IMMP2L: variants seen among roughly 807,000 people sequenced by gnomAD.
IMMP2L encodes inner mitochondrial membrane peptidase subunit 2, also known as mitochondrial inner membrane protease subunit 2.
In IMMP2L, 18 loss-of-function variants were observed where a neutral mutation model predicts 19.3. The observed-to-expected ratio is 0.93, with a 90% CI of 0.64 to 1.38. IMMP2L has a LOEUF of 1.38. Among genes scored for constraint, IMMP2L ranks in the 40% most tolerant of loss-of-function variants. The pLI, the probability that IMMP2L is intolerant of heterozygous loss-of-function variation, is 0.00. For missense variants in IMMP2L, 233 were observed against 218.2 expected (o/e 1.07, Z -0.43); for synonymous variants, 76 against 73.0 (o/e 1.04, Z -0.21).
intron 4 of IMMP2L, among the ~76,000 whole-genome samples, chr7:110,912,723 A>T (rs174074): frequency 0.47 from 71,865 of 151,718 alleles, 17,620 homozygotes; most frequent in East Asian, 0.8. Flanking sequence ...ACAAAGTTTG[A>T]CTAAATGCCA....
chr7:111,447,355 T>A (rs1474338131), intron 3 of IMMP2L, among the ~76,000 whole-genome samples: 2 of 143,360 alleles, frequency 1.4e-5, no homozygotes, highest in African/African-American at 5.4e-5. Context: ...TAACAGCGGA[T>A]CTCTCGACAG....
At chr7:111,392,214 C>G (rs2131337528) in intron 3 of IMMP2L, among the ~76,000 whole-genome samples, 1 of 152,206 alleles carries the variant, frequency 6.6e-6, no homozygotes, top group East Asian at 1.9e-4. Context: ...GATATACTGT[C>G]TAACCAGGAA....
At chr7:111,304,102 C>T (rs993708973) in intron 3 of IMMP2L, among the ~76,000 whole-genome samples, 1 of 151,924 alleles carries the variant, frequency 6.6e-6, no homozygotes, top group African/African-American at 2.4e-5. Flanking sequence ...TTATTCATAA[C>T]GAATATTGGC....
intron 4 of IMMP2L, among the ~76,000 whole-genome samples, chr7:110,914,698 C>G (rs1375752447): frequency 4.6e-5 from 7 of 152,114 alleles, no homozygotes; most frequent in African/African-American, 1.2e-4. Context: ...ATGTCTTATT[C>G]TTCTCAATGC....
At chr7:111,017,005 A>G (rs1170165767) in intron 3 of IMMP2L, among the ~76,000 whole-genome samples, 1 of 131,594 alleles carries the variant, frequency 7.6e-6, no homozygotes, top group Non-Finnish European at 1.5e-5. Flanking sequence ...TATATTATAT[A>G]TAAACATTAT....
rs1672111515 is a variant in IMMP2L at position 111,391,874 on chromosome 7, C to T, written c.239+95364G>A. ...TTGCCTCCACTCTCCAGATGGGATTCCTGCCCTCTGTTCTAAAGGATGACA... is the reference window on the plus strand; with the variant it reads ...TTGCCTCCACTCTCCAGATGGGATTTCTGCCCTCTGTTCTAAAGGATGACA... On this transcript the variant is annotated intron_variant, in intron 3 of 5. Coordinates refer to ENST00000405709, the MANE Select transcript of IMMP2L (RefSeq NM_032549.4). 8 of 702,620 alleles carry T rather than the reference C, an allele frequency of 1.1e-5. No homozygotes were observed. In the Admixed American group the frequency reaches 1.6e-4, roughly 14 times the overall value. The allele number at this position is 702,620 out of a possible 1,614,324, so 43.5% of individuals were successfully genotyped here. A position where few individuals can be genotyped will look rare whatever the true frequency, so the allele number is the denominator to read the frequency against.
chr7:111,501,603 C>T (rs1844266339), intron 2 of IMMP2L, among the ~76,000 whole-genome samples: 1 of 152,118 alleles, frequency 6.6e-6, no homozygotes, highest in East Asian at 1.9e-4. Context: ...AAGGGAAGCC[C>T]ATCAGACAAA....
chr7:110,757,389 T>C lies in IMMP2L; in HGVS notation c.409-93668A>G, dbSNP rs1347563005. Among the ~76,000 whole-genome samples, 2 of 152,130 alleles carry C rather than the reference T, an allele frequency of 1.3e-5. No homozygotes were observed. Among genetic ancestry groups the C allele is most frequent in the African/African-American group, 4.8e-5 (2 of 41,456 alleles). ...CCTCAAATGATGCAGTTGACTCTGGTTGTAATTTTAAATACGGTGGGCGAG... is the reference window on the plus strand; with the variant it reads ...CCTCAAATGATGCAGTTGACTCTGGCTGTAATTTTAAATACGGTGGGCGAG... On this transcript the variant is annotated intron_variant, in intron 5 of 5. Coordinates refer to ENST00000405709, the MANE Select transcript of IMMP2L (RefSeq NM_032549.4). This position sits in a 1 kb window ranked among gnomAD's most constrained non-coding sequence, Gnocchi z 4.2.
At chr7:110,967,231 A>G (rs1002326895) in intron 3 of IMMP2L, among the ~76,000 whole-genome samples, 3 of 151,974 alleles carry the variant, frequency 2.0e-5, no homozygotes, top group African/African-American at 7.2e-5. Context: ...GACATAATAG[A>G]ATTTCCAGTC....
intron 5 of IMMP2L, among the ~76,000 whole-genome samples, chr7:110,863,936 T>C (rs373846715): frequency 2.8e-4 from 43 of 152,050 alleles, no homozygotes; most frequent in Middle Eastern, 6.9e-3. Flanking sequence ...ACAGGGAGAA[T>C]TGAAACAGTA....
At chr7:111,546,839 G>A (rs1848973434) in intron 1 of IMMP2L, among the ~76,000 whole-genome samples, 1 of 152,072 alleles carries the variant, frequency 6.6e-6, no homozygotes. Context: ...AATTTATAGA[G>A]GCCACTAAAC....
intron 3 of IMMP2L, among the ~76,000 whole-genome samples, chr7:111,039,632 T>G (rs1384609669): frequency 6.6e-6 from 1 of 152,310 alleles, no homozygotes; most frequent in African/African-American, 2.4e-5. Context: ...TGTAATAAAG[T>G]ATTAACATGG....
intron 5 of IMMP2L, among the ~76,000 whole-genome samples, chr7:110,822,654 G>C (rs1563000527): frequency 6.6e-6 from 1 of 151,890 alleles, no homozygotes; most frequent in Non-Finnish European, 1.5e-5. Flanking sequence ...TTAGTTCCAG[G>C]CTCTGTACTT....
intron 3 of IMMP2L, among the ~76,000 whole-genome samples, chr7:111,307,557 T>C (rs753783895): frequency 6.6e-6 from 1 of 151,712 alleles, no homozygotes; most frequent in Non-Finnish European, 1.5e-5. Flanking sequence ...ATATATAACA[T>C]ATAAACTTTG....
At chr7:111,093,292 A>C (rs1797057484) in intron 3 of IMMP2L, among the ~76,000 whole-genome samples, 2 of 152,162 alleles carry the variant, frequency 1.3e-5, no homozygotes, top group African/African-American at 4.8e-5. Context: ...TATAAAAAAA[A>C]CCAAAATGAT....
intron 3 of IMMP2L, among the ~76,000 whole-genome samples, chr7:111,058,912 G>A (rs1255396034): frequency 6.6e-6 from 1 of 152,048 alleles, no homozygotes; most frequent in Admixed American, 6.6e-5. Flanking sequence ...ATCTCACTTT[G>A]AGACTTTATC....
chr7:110,813,420 A>C (rs1186879823), intron 5 of IMMP2L, among the ~76,000 whole-genome samples: 1 of 150,524 alleles, frequency 6.6e-6, no homozygotes, highest in African/African-American at 2.5e-5. Context: ...CATAAAGTTA[A>C]AACATTTCTT....
At chr7:111,162,185 T>C (rs932529455) in intron 3 of IMMP2L, among the ~76,000 whole-genome samples, 2 of 152,136 alleles carry the variant, frequency 1.3e-5, no homozygotes, top group African/African-American at 2.4e-5. Context: ...CGCTAATATG[T>C]TGTTAAAAAT....
At chr7:110,967,107 G>A (rs893740743) in intron 3 of IMMP2L, among the ~76,000 whole-genome samples, 3 of 152,030 alleles carry the variant, frequency 2.0e-5, no homozygotes, top group African/African-American at 4.8e-5. Context: ...CAGAGACTTG[G>A]ATGAGGAGCC....
Sources: allele counts gnomAD v4.1 joint callset (sites outside exome capture counted in the v4.1 genomes callset), GRCh38; gene constraint gnomAD v4.1.1; non-coding constraint Gnocchi (gnomAD v3.1); transcripts MANE v1.5; gene names NCBI Gene and HGNC (gene_info 2026-07-23, HGNC 2026-07-21).